PRKCB: variants seen among roughly 807,000 people sequenced by gnomAD.
PRKCB encodes protein kinase C beta, also known as protein kinase C beta type.
A neutral mutation model predicts 81.5 loss-of-function variants in PRKCB; 13 were observed. The observed-to-expected ratio is 0.16, with a 90% CI of 0.10 to 0.25. The LOEUF (loss-of-function observed/expected upper bound fraction) is 0.25, where lower values mean the gene tolerates loss of function less well. Among genes scored for constraint, PRKCB ranks in the 10% least tolerant of loss-of-function variants. PRKCB has a pLI of 1.00. For missense variants in PRKCB, 509 were observed against 875.7 expected (o/e 0.58, Z 5.29); for synonymous variants, 335 against 321.4 (o/e 1.04, Z -0.45).
chr16:23,988,653 T>G, intron 3 of PRKCB, 63 bp downstream of exon 3: 2 of 1,409,336 alleles, frequency 1.4e-6, no homozygotes, highest in Non-Finnish European at 2.0e-6. Flanking sequence ...TGATTAAATG[T>G]GAGTGAGCAT....
At chr16:23,849,495 G>A (rs1478612022) in intron 2 of PRKCB, among the ~76,000 whole-genome samples, 1 of 152,112 alleles carries the variant, frequency 6.6e-6, no homozygotes, top group Non-Finnish European at 1.5e-5. Context: ...TCGTTATTTG[G>A]ATTTTTTTGC....
At chr16:23,997,618 T>G (rs558772299) in intron 3 of PRKCB, among the ~76,000 whole-genome samples, 1 of 152,348 alleles carries the variant, frequency 6.6e-6, no homozygotes, top group East Asian at 1.9e-4. Context: ...CAAATATCTT[T>G]GTTTTCTTTG....
chr16:24,109,163 C>T, intron 7 of PRKCB, among the ~76,000 whole-genome samples: 1 of 137,206 alleles, frequency 7.3e-6, no homozygotes, highest in Non-Finnish European at 1.6e-5. Context: ...GGGGGCTGAC[C>T]CCCCCACCTC....
intron 2 of PRKCB, among the ~76,000 whole-genome samples, chr16:23,848,139 G>C (rs906006490): frequency 3.3e-5 from 5 of 152,196 alleles, no homozygotes; most frequent in Non-Finnish European, 7.3e-5. Context: ...GGAGGAGCAG[G>C]TGGGAGGTGA....
intron 2 of PRKCB, among the ~76,000 whole-genome samples, chr16:23,879,740 C>T (rs1285284960): frequency 1.3e-5 from 2 of 152,110 alleles, no homozygotes; most frequent in African/African-American, 2.4e-5. Flanking sequence ...GTGATCCGCC[C>T]GCCTCGACCT....
At chr16:24,157,371 C>T (rs187412662) in intron 10 of PRKCB, among the ~76,000 whole-genome samples, 32 of 152,230 alleles carry the variant, frequency 2.1e-4, no homozygotes, top group African/African-American at 4.8e-4. Flanking sequence ...ATCATGGGGG[C>T]GGTTACCTCC....
At chr16:23,952,602 T>A (rs1439984458) in intron 2 of PRKCB, among the ~76,000 whole-genome samples, 15 of 152,108 alleles carry the variant, frequency 9.9e-5, no homozygotes, top group Non-Finnish European at 2.9e-5. Context: ...TGAAATCTCT[T>A]TATCTGTGGC....
At chr16:24,057,582 G>A (rs557401949) in intron 5 of PRKCB, among the ~76,000 whole-genome samples, 25 of 152,282 alleles carry the variant, frequency 1.6e-4, no homozygotes, top group Middle Eastern at 3.4e-3. Context: ...GCCCTACTAA[G>A]AGAGAAGAAG....
At chr16:23,982,322 CTTCCCCTTCCCT>C (rs1380175766) in intron 2 of PRKCB, among the ~76,000 whole-genome samples, 4 of 132,926 alleles carry the variant, frequency 3.0e-5, no homozygotes, top group Non-Finnish European at 6.5e-5. Context: ...TTCCCTTTCC[CTTCCCCTTCCCT>C]TTCCCTTTCC....
At chr16:23,943,866 A>AT (rs1964170209) in intron 2 of PRKCB, among the ~76,000 whole-genome samples, 1 of 152,012 alleles carries the variant, frequency 6.6e-6, no homozygotes, top group African/African-American at 2.4e-5. Context: ...GAACTGATTC[A>AT]TTTTTTTCTC....
intron 2 of PRKCB, among the ~76,000 whole-genome samples, chr16:23,900,619 TC>T (rs1963454252): frequency 6.6e-6 from 1 of 151,652 alleles, no homozygotes; most frequent in African/African-American, 2.4e-5. Flanking sequence ...CATATTTTTT[TC>T]CTTGTTGCCT....
chr16:24,172,092 A>G (rs1967449922), intron 10 of PRKCB, 178 bp from the exon 11 acceptor site: 2 of 600,278 alleles, frequency 3.3e-6, no homozygotes, highest in African/African-American at 3.7e-5. Flanking sequence ...ACCTATGCTC[A>G]CTTGCGTAGT....
At chr16:23,935,624 G>A (rs1327563982) in intron 2 of PRKCB, among the ~76,000 whole-genome samples, 1 of 152,092 alleles carries the variant, frequency 6.6e-6, no homozygotes, top group Non-Finnish European at 1.5e-5. Flanking sequence ...AATACAAAAT[G>A]CTGCACTATT....
intron 3 of PRKCB, among the ~76,000 whole-genome samples, chr16:23,992,277 T>G (rs980714523): frequency 6.6e-6 from 1 of 152,166 alleles, no homozygotes; most frequent in Non-Finnish European, 1.5e-5. Context: ...GTACTAACAG[T>G]GTATAGAGGA....
At position 24,133,476 on chromosome 16, in the gene PRKCB, C is replaced by A. The variant is rs188095029; in HGVS notation, c.1065+9495C>A. On this transcript the variant is annotated intron_variant, in intron 9 of 16. Coordinates refer to ENST00000643927, the MANE Select transcript of PRKCB (RefSeq NM_002738.7). ...TTCTGACCTCCTCCACAGGCTTCAG[C>A]CTTATGGGAGTCCCCAAGTCTTGGA... 1.6e-3 allele frequency among the ~76,000 whole-genome samples: 249 copies of A among 152,302 alleles called. 2 individuals carry two copies. Among genetic ancestry groups the A allele is most frequent in the Middle Eastern group, 0.01 (3 of 294 alleles).
At chr16:24,163,795 A>G (rs1393928145) in intron 10 of PRKCB, among the ~76,000 whole-genome samples, 4 of 152,196 alleles carry the variant, frequency 2.6e-5, no homozygotes, top group East Asian at 1.9e-4. Context: ...CAACACCCCT[A>G]TGAAGAACAA....
At chr16:23,878,751 A>G (rs971049517) in intron 2 of PRKCB, among the ~76,000 whole-genome samples, 4 of 152,236 alleles carry the variant, frequency 2.6e-5, no homozygotes, top group East Asian at 1.9e-4. Flanking sequence ...AGGATTGACT[A>G]TAACCCCTGT....
chr16:24,201,471 T>A (rs1967956218), intron 16 of PRKCB, among the ~76,000 whole-genome samples: 1 of 152,160 alleles, frequency 6.6e-6, no homozygotes, highest in South Asian at 2.1e-4. Flanking sequence ...TCTCTGCAAC[T>A]TCTACCAAAG....
chr16:24,030,272 A>G lies in PRKCB; in HGVS notation c.289-1864A>G, dbSNP rs78910213. The stretch of plus-strand genomic sequence containing the variant: ...CTAAAACCAATTCTGTGAGGAAAGA[A>G]TCTCTTGAAGAAGAAAGAGAAATGC... On this transcript the variant is annotated intron_variant, in intron 3 of 16. Transcript: ENST00000643927. Among the ~76,000 whole-genome samples, 154 of 152,336 alleles carry G rather than the reference A, an allele frequency of 1.0e-3. 3 individuals are homozygous for G. The South Asian group carries it at 0.013, about 13-fold the overall frequency.
Sources: allele counts gnomAD v4.1 joint callset (sites outside exome capture counted in the v4.1 genomes callset), GRCh38; gene constraint gnomAD v4.1.1; transcripts MANE v1.5; gene names NCBI Gene and HGNC (gene_info 2026-07-23, HGNC 2026-07-21).